Variants in UNC13C observed in about 807,000 individuals in gnomAD.
The protein encoded by UNC13C is protein unc-13 homolog C.
UNC13C carries 174 observed loss-of-function variants against 245.4 expected under a neutral mutation model. The observed-to-expected ratio is 0.71, with a 90% CI of 0.63 to 0.80. UNC13C has a LOEUF of 0.80. Among genes scored for constraint, UNC13C ranks in the 30% least tolerant of loss-of-function variants. The probability of loss-of-function intolerance (pLI) is 0.00; values close to 1 mark genes in which losing one functional copy is unlikely to be tolerated. For missense variants in UNC13C, 2,829 were observed against 2,602.9 expected (o/e 1.09, Z -1.89); for synonymous variants, 992 against 895.1 (o/e 1.11, Z -1.93).
At chr15:54,548,012 C>T (rs1216796046) in intron 27 of UNC13C, among the ~76,000 whole-genome samples, 1 of 152,030 alleles carries the variant, frequency 6.6e-6, no homozygotes, top group Non-Finnish European at 1.5e-5. Context: ...TTGGCTACTT[C>T]ACAGACCTGT....
intron 30 of UNC13C, among the ~76,000 whole-genome samples, chr15:54,590,552 C>G (rs1898735036): frequency 6.6e-6 from 1 of 152,016 alleles, no homozygotes; most frequent in Non-Finnish European, 1.5e-5. Flanking sequence ...TTGTTTGCAG[C>G]AATTGTAAAA....
chr15:53,917,015 T>A, the UNC13C span, among the ~76,000 whole-genome samples: 1 of 152,234 alleles, frequency 6.6e-6, no homozygotes, highest in African/African-American at 2.4e-5. Flanking sequence ...AGACTATGAT[T>A]TGAAATTAAG....
chr15:53,950,076 AG>A, the UNC13C span, among the ~76,000 whole-genome samples: 1 of 152,314 alleles, frequency 6.6e-6, no homozygotes, highest in East Asian at 1.9e-4. Flanking sequence ...ACCTTATAAA[AG>A]TACATGTTGG....
chr15:54,428,038 T>G (rs1430222030), intron 19 of UNC13C, among the ~76,000 whole-genome samples: 1 of 151,850 alleles, frequency 6.6e-6, no homozygotes, highest in Non-Finnish European at 1.5e-5. Flanking sequence ...TCTGTTTTGT[T>G]TCAGCCTAGA....
At position 54,392,393 on chromosome 15, in the gene UNC13C, T is replaced by A. The variant is rs76267683; in HGVS notation, c.4714-655T>A. Among the ~76,000 whole-genome samples, 647 of 152,006 alleles carry A rather than the reference T, an allele frequency of 4.3e-3. 30 individuals are homozygous for A. The East Asian group carries it at 0.091, about 21-fold the overall frequency. ...TGAGCAGTGTGGTAAATTGAGAAAG[T>A]TTCAAAGACATTTTAAAAAAAGGAA... On this transcript the variant is annotated intron_variant, in intron 17 of 32. Coordinates refer to ENST00000260323, the MANE Select transcript of UNC13C (RefSeq NM_001080534.3).
At chr15:54,417,067 G>T (rs114489726) in intron 19 of UNC13C, 9 of 421,630 alleles carry the variant, frequency 2.1e-5, no homozygotes, top group African/African-American at 1.2e-4. Flanking sequence ...AATCTGCTGC[G>T]TAACAACTGA....
chr15:54,535,931 C>T (rs1895964517), intron 26 of UNC13C, among the ~76,000 whole-genome samples: 1 of 151,862 alleles, frequency 6.6e-6, no homozygotes, highest in East Asian at 1.9e-4. Context: ...GCTAGGAAAA[C>T]AAGAGTAAAT....
chr15:54,424,731 G>A (rs982276616), intron 19 of UNC13C, among the ~76,000 whole-genome samples: 4 of 151,628 alleles, frequency 2.6e-5, no homozygotes, highest in Non-Finnish European at 5.9e-5. Context: ...CAAGAAAATG[G>A]CATTTTTAGA....
intron 19 of UNC13C, among the ~76,000 whole-genome samples, chr15:54,463,374 C>T (rs145307686): frequency 0.031 from 4,431 of 144,564 alleles, 177 homozygotes; most frequent in Admixed American, 0.13. Flanking sequence ...TTTGTTCTTT[C>T]GCTCTTTGCA....
intron 19 of UNC13C, among the ~76,000 whole-genome samples, chr15:54,425,027 T>C (rs1035194546): frequency 6.6e-6 from 1 of 151,854 alleles, no homozygotes; most frequent in African/African-American, 2.4e-5. Context: ...TGACATGCTA[T>C]GTATACAATG....
chr15:54,250,749 C>CTTTCTTTCTTTCT lies in UNC13C; in HGVS notation c.3448+308_3448+309insCTTTCTTTCTTTT, dbSNP rs1475632016. 1.3e-3 allele frequency among the ~76,000 whole-genome samples: 117 copies of CTTTCTTTCTTTCT among 88,898 alleles called. 2 individuals carry two copies. Among genetic ancestry groups the CTTTCTTTCTTTCT allele is most frequent in the East Asian group, 3.0e-3 (9 of 3,006 alleles). 58.3% of individuals were successfully genotyped at this position (88,898 alleles called of 152,430 possible). A position where few individuals can be genotyped will look rare whatever the true frequency, so the allele number is the denominator to read the frequency against. ...TTTTTTGTCTTTTCTTTCTTTCTTT[C>CTTTCTTTCTTTCT]TTTTTTTTTTTTTTTTTTTTTTTTT... On this transcript the variant is annotated intron_variant, in intron 8 of 32. Transcript: ENST00000260323.
At chr15:53,840,404 T>A in the UNC13C span, among the ~76,000 whole-genome samples, 1 of 151,996 alleles carries the variant, frequency 6.6e-6, no homozygotes, top group African/African-American at 2.4e-5. Flanking sequence ...TTGTCAATAT[T>A]CTCTAGAAAG....
At chr15:54,461,051 TTCAA>T (rs1396798865) in intron 19 of UNC13C, among the ~76,000 whole-genome samples, 1 of 151,538 alleles carries the variant, frequency 6.6e-6, no homozygotes, top group Non-Finnish European at 1.5e-5. Flanking sequence ...AATATTGGTC[TTCAA>T]TCAGTATGTT....
At chr15:54,169,757 G>C (rs2033317630) in intron 4 of UNC13C, among the ~76,000 whole-genome samples, 1 of 152,078 alleles carries the variant, frequency 6.6e-6, no homozygotes, top group East Asian at 1.9e-4. Context: ...AACAACTCCT[G>C]TCCGTACTTT....
chr15:54,219,696 C>T (rs2035161514), intron 4 of UNC13C, among the ~76,000 whole-genome samples: 1 of 151,758 alleles, frequency 6.6e-6, no homozygotes, highest in African/African-American at 2.4e-5. Flanking sequence ...TCGCAACCTA[C>T]TCATCTGTCA....
intron 4 of UNC13C, among the ~76,000 whole-genome samples, chr15:54,214,073 C>T (rs113217490): frequency 3.3e-5 from 5 of 151,926 alleles, no homozygotes; most frequent in African/African-American, 1.2e-4. Flanking sequence ...CCCTCCAATA[C>T]CCATTCCCTA....
At chr15:54,388,152 T>A (rs564118968) in intron 17 of UNC13C, among the ~76,000 whole-genome samples, 2 of 152,298 alleles carry the variant, frequency 1.3e-5, no homozygotes, top group South Asian at 4.1e-4. Context: ...CCTTTTTCAC[T>A]CCTTGTTTCC....
In UNC13C at chr15:54,613,901, T is replaced by C. The variant is rs9920410; in HGVS notation, c.6107-8426T>C. Among the ~76,000 whole-genome samples the C allele has an allele frequency of 9.7e-3, 1,482 of 152,100 alleles. 19 individuals are homozygous for C. Among genetic ancestry groups the C allele is most frequent in the African/African-American group, 0.033 (1,379 of 41,532 alleles). Reference sequence around the variant, plus strand: ...AAAGATCTTTCCGTTATGGAGCTTATATTTTGGTGGGAGAAACTATTATAC... The same window carrying C: ...AAAGATCTTTCCGTTATGGAGCTTACATTTTGGTGGGAGAAACTATTATAC... On this transcript the variant is annotated intron_variant, in intron 30 of 32. Coordinates refer to ENST00000260323, the MANE Select transcript of UNC13C (RefSeq NM_001080534.3).
At chr15:54,123,587 A>G (rs1413831027) in intron 2 of UNC13C, among the ~76,000 whole-genome samples, 1 of 152,094 alleles carries the variant, frequency 6.6e-6, no homozygotes, top group Non-Finnish European at 1.5e-5. Context: ...CTTATTTGAA[A>G]AAAATTATGG....
Sources: gnomAD v4.1 joint callset for allele counts (sites outside exome capture counted in the v4.1 genomes callset) on GRCh38, gnomAD v4.1.1 for gene constraint, MANE v1.5 for transcripts, NCBI Gene and HGNC (gene_info 2026-07-23, HGNC 2026-07-21) for gene names.